SLC47A1: variants seen among roughly 807,000 people sequenced by gnomAD.
SLC47A1 encodes the protein solute carrier family 47 member 1.
Under a neutral mutation model 65.8 loss-of-function variants are expected in SLC47A1, and 58 were observed. That is an observed-to-expected ratio of 0.88 (90% CI 0.71 to 1.10). The LOEUF (loss-of-function observed/expected upper bound fraction) is 1.10. SLC47A1 is among the 50% of genes least tolerant of loss of function. SLC47A1 has a pLI of 0.00. For missense variants in SLC47A1, 706 were observed against 719.2 expected, an observed-to-expected ratio of 0.98 and a Z score of 0.21; for synonymous variants, 285 against 295.0, an observed-to-expected ratio of 0.97 and a Z score of 0.35.
chr17:19,577,260 A>G, intron 16 of SLC47A1, 67 bp from the exon 17 acceptor site: 1 of 1,582,750 alleles, frequency 6.3e-7, no homozygotes, highest in South Asian at 1.2e-5. Flanking sequence ...TTCCTTTTAT[A>G]CATAGCCCTT....
chr17:19,563,833 C>T (rs2084334921), intron 12 of SLC47A1, among the ~76,000 whole-genome samples: 1 of 151,272 alleles, frequency 6.6e-6, no homozygotes, highest in Non-Finnish European at 1.5e-5. Context: ...CTAAAAAATA[C>T]AAAAAATTAG....
chr17:19,565,769 G>A (rs192678225), intron 12 of SLC47A1, among the ~76,000 whole-genome samples: 2 of 151,908 alleles, frequency 1.3e-5, no homozygotes, highest in African/African-American at 4.8e-5. Context: ...TTTTAGTAGA[G>A]ACGGGGTTTC....
At chr17:19,559,807 A>T (rs2084292881) in intron 10 of SLC47A1, among the ~76,000 whole-genome samples, 1 of 152,122 alleles carries the variant, frequency 6.6e-6, no homozygotes, top group Admixed American at 6.5e-5. Flanking sequence ...TGCTGGGATT[A>T]CAGGCATGAG....
chr17:19,538,744 C>G (rs1313747034), intron 1 of SLC47A1, among the ~76,000 whole-genome samples: 1 of 152,180 alleles, frequency 6.6e-6, no homozygotes, highest in Admixed American at 6.5e-5. Context: ...CAGCTTCTTT[C>G]CAGTGAGTGA....
chr17:19,555,447 C>A, intron 7 of SLC47A1, 138 bp downstream of exon 7: 2 of 1,284,152 alleles, frequency 1.6e-6, no homozygotes, highest in Non-Finnish European at 2.2e-6. Context: ...AAAGCACTGT[C>A]AGGGATGGAG....
At chr17:19,561,659 AAAAG>A (rs1485625425) in intron 12 of SLC47A1, among the ~76,000 whole-genome samples, 1 of 151,720 alleles carries the variant, frequency 6.6e-6, no homozygotes, top group African/African-American at 2.4e-5. Context: ...AAAAAAAAAA[AAAAG>A]ATCAGAGGCT....
intron 14 of SLC47A1, chr17:19,571,037 G>A (rs546178300): frequency 6.6e-6 from 1 of 152,300 alleles, no homozygotes; most frequent in African/African-American, 2.4e-5. Context: ...CTGAGGAAGA[G>A]AACATTAGTA....
chr17:19,565,295 T>C (rs2084346975), intron 12 of SLC47A1, among the ~76,000 whole-genome samples: 1 of 152,218 alleles, frequency 6.6e-6, no homozygotes, highest in African/African-American at 2.4e-5. Context: ...TAATTTTTAC[T>C]CTGTAGTGCT....
chr17:19,561,165 G>C (rs892875174), intron 12 of SLC47A1, among the ~76,000 whole-genome samples: 1 of 151,772 alleles, frequency 6.6e-6, no homozygotes, highest in Non-Finnish European at 1.5e-5. Flanking sequence ...GGCTGAGGTG[G>C]GAGAATCACT....
At chr17:19,539,610 G>T (rs28427564) in intron 1 of SLC47A1, among the ~76,000 whole-genome samples, 1 of 151,944 alleles carries the variant, frequency 6.6e-6, no homozygotes, top group African/African-American at 2.4e-5. Flanking sequence ...TCAGCCTCCC[G>T]AGTAGCTGGG....
chr17:19,563,906 G>A lies in SLC47A1; in HGVS notation c.1107-2884G>A, dbSNP rs180761146. ...CGGGAGGCTGAGGCAGGAGAATGGC[G>A]TGAACCCGGGAGGCGGAGCTTGCAG... On this transcript the variant is annotated intron_variant, in intron 12 of 16. Coordinates refer to ENST00000270570, the MANE Select transcript of SLC47A1 (RefSeq NM_018242.3). Among the ~76,000 whole-genome samples the A allele has an allele frequency of 2.7e-3, 417 of 152,052 alleles. 3 individuals are homozygous for A. The highest frequency in any genetic ancestry group is 9.4e-3 in the African/African-American group (389 of 41,470).
chr17:19,534,285 C>G, intron 1 of SLC47A1: 1 of 567,008 alleles, frequency 1.8e-6, no homozygotes, highest in Non-Finnish European at 2.8e-6. Flanking sequence ...CGACTGGGGG[C>G]CCCGCGGGGC....
rs772327911 is a variant in SLC47A1, at chr17:19,578,556, C to T, written c.*1003C>T. On this transcript the variant is annotated 3_prime_UTR_variant, in exon 17 of 17. Coordinates refer to ENST00000270570, the MANE Select transcript of SLC47A1 (RefSeq NM_018242.3). The stretch of plus-strand genomic sequence containing the variant: ...CAGTAATCCTACTTCATTAAGCCTT[C>T]CTGGGGTGCGGTACACACCGTTAAT... 7.0e-4 allele frequency: 113 copies of T among 161,394 alleles called. No individual in the cohort carries two copies. The highest frequency in any genetic ancestry group is 1.3e-3 in the Non-Finnish European group (96 of 74,050). The allele number at this position is 161,394 out of a possible 1,614,324, so 10.0% of individuals were successfully genotyped here.
At chr17:19,574,586 A>G (rs969905727) in intron 16 of SLC47A1, among the ~76,000 whole-genome samples, 10 of 152,152 alleles carry the variant, frequency 6.6e-5, no homozygotes, top group Non-Finnish European at 2.9e-5. Flanking sequence ...GATGTTTTCT[A>G]CCATCTTGCC....
At chr17:19,539,828 A>C (rs1226510781) in intron 1 of SLC47A1, among the ~76,000 whole-genome samples, 6 of 152,142 alleles carry the variant, frequency 3.9e-5, no homozygotes, top group African/African-American at 1.4e-4. Context: ...AAAGGCTCCC[A>C]GGTGGCCCTT....
At chr17:19,555,093 C>A in intron 6 of SLC47A1, 119 bp from the exon 7 acceptor site, 1 of 860,672 alleles carries the variant, frequency 1.2e-6, no homozygotes, top group South Asian at 1.4e-5. Flanking sequence ...AGTTAAGCCC[C>A]CCAGCTATGC....
chr17:19,572,285 C>A (rs982346044), intron 15 of SLC47A1, among the ~76,000 whole-genome samples: 17 of 152,060 alleles, frequency 1.1e-4, no homozygotes, highest in African/African-American at 4.1e-4. Context: ...GACCCCATTT[C>A]AGCCTTTTCT....
intron 1 of SLC47A1, among the ~76,000 whole-genome samples, chr17:19,536,447 T>C (rs1459930225): frequency 6.6e-6 from 1 of 152,108 alleles, no homozygotes; most frequent in Admixed American, 6.6e-5. Flanking sequence ...ACAAATGTCA[T>C]GCATATTTAC....
chr17:19,541,654 C>T (rs568984549), intron 1 of SLC47A1, among the ~76,000 whole-genome samples: 1 of 152,306 alleles, frequency 6.6e-6, no homozygotes, highest in South Asian at 2.1e-4. Flanking sequence ...TCATCGCTAC[C>T]TCCAGCTCCT....
Sources: allele counts gnomAD v4.1 joint callset (sites outside exome capture counted in the v4.1 genomes callset), GRCh38; gene constraint gnomAD v4.1.1; transcripts MANE v1.5; gene names NCBI Gene and HGNC (gene_info 2026-07-23, HGNC 2026-07-21).